The following GTF2IRD1 variants were observed in gnomAD, a reference collection of about 807,000 sequenced individuals.
GTF2IRD1 encodes general transcription factor II-I repeat domain-containing protein 1.
Under a neutral mutation model 113.2 loss-of-function variants are expected in GTF2IRD1, and 26 were observed. The observed-to-expected ratio is 0.23, with a 90% CI of 0.17 to 0.32. The LOEUF (loss-of-function observed/expected upper bound fraction) is 0.32. GTF2IRD1 is among the 10% of genes least tolerant of loss of function. The pLI is 1.00. For synonymous variants in GTF2IRD1, 484 were observed against 529.1 expected (o/e 0.91, Z 1.17); for missense variants, 864 against 1,280.8 (o/e 0.67, Z 4.97).
intron 8 of GTF2IRD1, 147 bp from the exon 9 acceptor site, chr7:74,529,587 T>C: frequency 1.6e-6 from 1 of 627,218 alleles, no homozygotes; most frequent in East Asian, 2.8e-5. Context: ...AGTGATATGA[T>C]TTTGACATTT....
At chr7:74,594,126 G>A (rs1226824910) in intron 24 of GTF2IRD1, among the ~76,000 whole-genome samples, 2 of 151,428 alleles carry the variant, frequency 1.3e-5, no homozygotes, top group Non-Finnish European at 2.9e-5. Context: ...TTGAACCCAG[G>A]AGGTGGAGGT....
intron 15 of GTF2IRD1, among the ~76,000 whole-genome samples, chr7:74,545,343 T>C (rs1798857867): frequency 6.6e-6 from 1 of 152,056 alleles, no homozygotes; most frequent in South Asian, 2.1e-4. Context: ...AAACCCAGCC[T>C]GGCAGGAGGA....
intron 1 of GTF2IRD1, among the ~76,000 whole-genome samples, chr7:74,456,081 A>G (rs37635): frequency 0.3 from 45,411 of 152,152 alleles, 7,192 homozygotes; most frequent in Middle Eastern, 0.39. Context: ...GCAGCCTCCC[A>G]GGAGCCCGGC....
intron 22 of GTF2IRD1, among the ~76,000 whole-genome samples, chr7:74,572,082 A>G (rs1800727586): frequency 6.6e-6 from 1 of 152,148 alleles, no homozygotes; most frequent in Non-Finnish European, 1.5e-5. Flanking sequence ...ATCTCCTGCT[A>G]AGCCTCTCTC....
rs782397218 is a variant in GTF2IRD1, at chr7:74,459,971, C to CT, written c.-7+5807dup. On this transcript the variant is annotated intron_variant, in intron 1 of 26. Coordinates refer to ENST00000424337, the MANE Select transcript of GTF2IRD1 (RefSeq NM_005685.4). Reference sequence around the variant, plus strand: ...GTGGAGCTGATTCACTGAATCTTGGCTTTTTTTTTTTTAATTTGTATTGAA... The same window carrying CT: ...GTGGAGCTGATTCACTGAATCTTGGCTTTTTTTTTTTTTAATTTGTATTGAA... Among the ~76,000 whole-genome samples, 606 of 142,292 alleles carry CT rather than the reference C, an allele frequency of 4.3e-3. 3 individuals carry two copies. The highest frequency in any genetic ancestry group is 0.014 in the African/African-American group (554 of 38,776). 93.3% of individuals were successfully genotyped at this position (142,292 alleles called of 152,430 possible).
intron 22 of GTF2IRD1, among the ~76,000 whole-genome samples, chr7:74,563,245 G>A (rs1554359649): frequency 6.6e-6 from 1 of 152,106 alleles, no homozygotes; most frequent in East Asian, 1.9e-4. Context: ...TCCCAGGAGG[G>A]TGAGGCTTCG....
intron 22 of GTF2IRD1, among the ~76,000 whole-genome samples, chr7:74,575,732 CAGG>C (rs1463102673): frequency 6.6e-6 from 1 of 152,108 alleles, no homozygotes; most frequent in Non-Finnish European, 1.5e-5. Context: ...AGGGAAGATG[CAGG>C]AGAAGCTGGT....
At chr7:74,591,268 C>G (rs1428808767) in intron 24 of GTF2IRD1, among the ~76,000 whole-genome samples, 1 of 150,922 alleles carries the variant, frequency 6.6e-6, no homozygotes, top group East Asian at 1.9e-4. Context: ...CTTTTTCTGA[C>G]TATACAATTC....
At chr7:74,454,937 G>T (rs534293000) in intron 1 of GTF2IRD1, among the ~76,000 whole-genome samples, 1 of 152,232 alleles carries the variant, frequency 6.6e-6, no homozygotes, top group Admixed American at 6.5e-5. Context: ...GGCATGATGG[G>T]CTTGACACCT....
intron 1 of GTF2IRD1, among the ~76,000 whole-genome samples, chr7:74,463,976 G>A (rs1793554626): frequency 6.6e-6 from 1 of 151,810 alleles, no homozygotes; most frequent in South Asian, 2.1e-4. Context: ...CACCCATCTT[G>A]GCCTCCCAGA....
chr7:74,543,721 G>A (rs1280567983), intron 14 of GTF2IRD1, among the ~76,000 whole-genome samples: 2 of 151,660 alleles, frequency 1.3e-5, no homozygotes, highest in Non-Finnish European at 2.9e-5. Flanking sequence ...ACAACATGGC[G>A]AAACCCTGTC....
chr7:74,594,976 T>A lies in GTF2IRD1; in HGVS notation c.2592-38T>A, dbSNP rs781921820. On this transcript the variant is annotated intron_variant, in intron 24 of 26. Transcript: ENST00000424337. ...CAAAAAAATAAAGGAGGGGAAAACCTCATTTTCTAACTGCCACCTCATTTC... is the reference window on the plus strand; with the variant it reads ...CAAAAAAATAAAGGAGGGGAAAACCACATTTTCTAACTGCCACCTCATTTC... 2.6e-6 allele frequency: 4 copies of A among 1,528,098 alleles called. No homozygotes were observed. In the Admixed American group the frequency reaches 6.9e-5, roughly 26 times the overall value. 94.7% of individuals were successfully genotyped at this position (1,528,098 alleles called of 1,614,324 possible).
At chr7:74,481,520 T>TA (rs1301233665) in intron 1 of GTF2IRD1, among the ~76,000 whole-genome samples, 1 of 152,158 alleles carries the variant, frequency 6.6e-6, no homozygotes, top group East Asian at 1.9e-4. Context: ...AAGTAATACT[T>TA]ACCTTAGGTG....
chr7:74,590,773 T>C, intron 23 of GTF2IRD1, 52 bp from the exon 24 acceptor site: 1 of 1,277,000 alleles, frequency 7.8e-7, no homozygotes, highest in Admixed American at 2.0e-5. Context: ...CTAGAGGGCT[T>C]TGCCATTGAC....
chr7:74,465,870 A>G (rs1793676481), intron 1 of GTF2IRD1, among the ~76,000 whole-genome samples: 1 of 152,062 alleles, frequency 6.6e-6, no homozygotes, highest in East Asian at 1.9e-4. Context: ...CCTGGGTTCA[A>G]GTGAGTCTCC....
chr7:74,495,536 G>A (rs1223478885), intron 1 of GTF2IRD1, among the ~76,000 whole-genome samples: 1 of 152,140 alleles, frequency 6.6e-6, no homozygotes, highest in African/African-American at 2.4e-5. Context: ...GGCCTTTCCA[G>A]GCCTTGTTAT....
In GTF2IRD1 at chr7:74,558,343, G is replaced by GTTTTTTTTTTTT. The variant is rs1562868915; in HGVS notation, c.2108-515_2108-514insTTTTTTTTTTTT. Among the ~76,000 whole-genome samples, 3 of 74,010 alleles carry GTTTTTTTTTTTT rather than the reference G, an allele frequency of 4.1e-5. 1 individual carries two copies. The highest frequency in any genetic ancestry group is 8.5e-5 in the Non-Finnish European group (3 of 35,154). 48.6% of individuals were successfully genotyped at this position (74,010 alleles called of 152,430 possible). On this transcript the variant is annotated intron_variant, in intron 20 of 26. Transcript: ENST00000424337. Reference sequence around the variant, plus strand: ...GCATATTGGTGTGGCTTTTTCTTTCGTTTCTTTTTTTTTTTTTTTTTTTTT... The same window carrying GTTTTTTTTTTTT: ...GCATATTGGTGTGGCTTTTTCTTTCGTTTTTTTTTTTTTTTCTTTTTTTTTTTTTTTTTTTTT...
intron 1 of GTF2IRD1, among the ~76,000 whole-genome samples, chr7:74,503,663 C>G (rs1424961828): frequency 6.6e-6 from 1 of 152,166 alleles, no homozygotes; most frequent in African/African-American, 2.4e-5. Context: ...GCAGGAGAAT[C>G]ACTTGGACAT....
rs1584589580 is a variant in GTF2IRD1 at position 74,521,267 on chromosome 7, A to G, written c.976A>G (p.Ile326Val). The G allele has an allele frequency of 1.2e-6, 2 of 1,611,662 alleles. No individual in the cohort carries two copies. Among genetic ancestry groups the G allele is most frequent in the East Asian group, 2.2e-5 (1 of 44,854 alleles). ...CCAGAACGTCCATGCCTCCAAGCGCATTCTCTTCTCCATCGTCCATGACAA... is the reference window on the plus strand; with the variant it reads ...CCAGAACGTCCATGCCTCCAAGCGCGTTCTCTTCTCCATCGTCCATGACAA... ...LIQNVHASKR[I>V]LFSIVHDKSE... is the part of the protein sequence containing the mutation. The change falls in exon 7 of 27, where the codon ATT (isoleucine) becomes GTT (valine). Residue 326 changes from isoleucine to valine, a missense_variant. Physicochemically the swap from Ile to Val is conservative, Grantham distance 29. Coordinates refer to ENST00000424337, the MANE Select transcript of GTF2IRD1 (RefSeq NM_005685.4).
Sources: gnomAD v4.1 joint callset for allele counts (sites outside exome capture counted in the v4.1 genomes callset) on GRCh38, gnomAD v4.1.1 for gene constraint, MANE v1.5 for transcripts, NCBI Gene and HGNC (gene_info 2026-07-23, HGNC 2026-07-21) for gene names.